The following RBMS3 variants were observed in gnomAD, a reference collection of about 807,000 sequenced individuals.
RBMS3 encodes RNA-binding motif, single-stranded-interacting protein 3.
Under a neutral mutation model 66.8 loss-of-function variants are expected in RBMS3, and 27 were observed. The observed-to-expected ratio is 0.40, with a 90% CI of 0.30 to 0.56. The LOEUF is 0.56. Ranked by LOEUF, RBMS3 falls within the 20% of genes least tolerant of loss-of-function variation. The pLI, the probability that RBMS3 is intolerant of heterozygous loss-of-function variation, is 0.40. For missense variants in RBMS3, 513 were observed against 549.5 expected, an observed-to-expected ratio of 0.93 and a Z score of 0.66; for synonymous variants, 188 against 183.0, an observed-to-expected ratio of 1.03 and a Z score of -0.22.
At chr3:29,830,719 T>C (rs570504918) in intron 6 of RBMS3, among the ~76,000 whole-genome samples, 2 of 152,302 alleles carry the variant, frequency 1.3e-5, no homozygotes, top group South Asian at 4.1e-4. Flanking sequence ...TTCTCTTTTA[T>C]TTTATTCTGG....
At chr3:29,690,812 A>G (rs963344398) in intron 4 of RBMS3, among the ~76,000 whole-genome samples, 1 of 152,116 alleles carries the variant, frequency 6.6e-6, no homozygotes, top group African/African-American at 2.4e-5. Flanking sequence ...TTTTGCTACA[A>G]TTTGTTTATT....
At chr3:29,463,195 A>G (rs1047765749) in intron 2 of RBMS3, among the ~76,000 whole-genome samples, 2 of 152,202 alleles carry the variant, frequency 1.3e-5, no homozygotes, top group African/African-American at 2.4e-5. Flanking sequence ...ATTTGTTAAC[A>G]TTTAACCTAT....
chr3:29,559,715 C>G (rs773701333), intron 3 of RBMS3, among the ~76,000 whole-genome samples: 2 of 151,904 alleles, frequency 1.3e-5, no homozygotes, highest in Non-Finnish European at 2.9e-5. Flanking sequence ...TGGAGTTAGC[C>G]ACCAATTTGC....
In RBMS3 at chr3:29,598,120, C is replaced by A. The variant is rs143707722; in HGVS notation, c.399+10915C>A. On this transcript the variant is annotated intron_variant, in intron 4 of 14. Coordinates refer to ENST00000383767, the MANE Select transcript of RBMS3 (RefSeq NM_001003793.3). ...CACTTACCAGTGTATTGTTAGATATCTGGTTTCGGAAATATCCATAGTTAG... is the reference window on the plus strand; with the variant it reads ...CACTTACCAGTGTATTGTTAGATATATGGTTTCGGAAATATCCATAGTTAG... Among the ~76,000 whole-genome samples, 286 of 152,176 alleles carry A rather than the reference C, an allele frequency of 1.9e-3. 1 individual carries two copies. Among genetic ancestry groups the A allele is most frequent in the African/African-American group, 6.1e-3 (254 of 41,540 alleles).
chr3:29,827,330 A>G (rs972942263), intron 6 of RBMS3, among the ~76,000 whole-genome samples: 3 of 152,318 alleles, frequency 2.0e-5, no homozygotes, highest in Middle Eastern at 3.4e-3. Context: ...GAAATTTTTG[A>G]ATGCAATGGT....
chr3:29,311,266 G>A (rs376024770), intron 1 of RBMS3, among the ~76,000 whole-genome samples: 3 of 151,868 alleles, frequency 2.0e-5, no homozygotes, highest in East Asian at 3.9e-4. Flanking sequence ...TCATTCTCCA[G>A]TTCTCTAATA....
intron 1 of RBMS3, among the ~76,000 whole-genome samples, chr3:29,326,314 C>G (rs1161521859): frequency 6.6e-6 from 1 of 152,136 alleles, no homozygotes; most frequent in Admixed American, 6.6e-5. Context: ...CTGTTCTTTC[C>G]CCAAATTATG....
At chr3:29,962,489 AC>A (rs1325082252) in intron 12 of RBMS3, among the ~76,000 whole-genome samples, 1 of 150,672 alleles carries the variant, frequency 6.6e-6, no homozygotes, top group African/African-American at 2.5e-5. Flanking sequence ...TAGTGTTTCT[AC>A]ATGGTTACTT....
intron 4 of RBMS3, 115 bp downstream of exon 4, chr3:29,587,320 T>G: frequency 5.5e-6 from 3 of 540,770 alleles, no homozygotes; most frequent in Non-Finnish European, 2.9e-6. Context: ...GAAGGAGAGA[T>G]TAAATATTTC....
chr3:29,671,713 C>G (rs1036458914), intron 4 of RBMS3, among the ~76,000 whole-genome samples: 1 of 151,900 alleles, frequency 6.6e-6, no homozygotes, highest in Non-Finnish European at 1.5e-5. Flanking sequence ...TGAAATGAAG[C>G]GAGAAGAGAA....
chr3:29,290,888 T>C (rs2032755280), intron 1 of RBMS3, among the ~76,000 whole-genome samples: 1 of 151,978 alleles, frequency 6.6e-6, no homozygotes, highest in South Asian at 2.1e-4. Context: ...CATATTAAAG[T>C]GCACTAACAT....
intron 4 of RBMS3, chr3:29,697,067 G>T: frequency 1.0e-6 from 1 of 985,244 alleles, no homozygotes; most frequent in Admixed American, 6.2e-5. Flanking sequence ...AGAAATGCAG[G>T]GCCTGTGTGC....
intron 12 of RBMS3, among the ~76,000 whole-genome samples, chr3:29,982,293 G>A (rs1698048304): frequency 6.6e-6 from 1 of 152,030 alleles, no homozygotes; most frequent in Non-Finnish European, 1.5e-5. Context: ...TTTTTATGGT[G>A]TCTATATGAT....
chr3:29,318,330 G>T (rs1037228717), intron 1 of RBMS3, among the ~76,000 whole-genome samples: 4 of 151,858 alleles, frequency 2.6e-5, no homozygotes, highest in African/African-American at 7.2e-5. Flanking sequence ...GGTAACTTGG[G>T]TGTCAGTTGC....
chr3:29,776,870 A>T (rs567006091), intron 6 of RBMS3, among the ~76,000 whole-genome samples: 2 of 152,068 alleles, frequency 1.3e-5, no homozygotes, highest in African/African-American at 4.8e-5. Context: ...TAAATTATAC[A>T]TGTCCATGTT....
chr3:29,299,827 G>A (rs2033548811), intron 1 of RBMS3, among the ~76,000 whole-genome samples: 1 of 151,828 alleles, frequency 6.6e-6, no homozygotes, highest in South Asian at 2.1e-4. Context: ...CACAGATAAT[G>A]AGGGACAACT....
At chr3:29,594,601 A>AT (rs1354511097) in intron 4 of RBMS3, among the ~76,000 whole-genome samples, 16 of 152,284 alleles carry the variant, frequency 1.1e-4, no homozygotes, top group African/African-American at 3.6e-4. Flanking sequence ...TATAAGTATT[A>AT]TTTTTCTCAT....
At chr3:29,482,701 C>CTTTTTTTTTTTTTT (rs755520785) in intron 2 of RBMS3, among the ~76,000 whole-genome samples, 27 of 77,512 alleles carry the variant, frequency 3.5e-4, no homozygotes, top group African/African-American at 6.2e-4. Flanking sequence ...TTCTTTCTTT[C>CTTTTTTTTTTTTTT]TTTTTTTTTT....
At chr3:29,705,383 G>C (rs1459403677) in intron 4 of RBMS3, among the ~76,000 whole-genome samples, 1 of 152,176 alleles carries the variant, frequency 6.6e-6, no homozygotes, top group Non-Finnish European at 1.5e-5. Flanking sequence ...TTTTGCTTGT[G>C]TAATATAAAG....
Sources: gnomAD v4.1 joint callset for allele counts (sites outside exome capture counted in the v4.1 genomes callset) on GRCh38, gnomAD v4.1.1 for gene constraint, MANE v1.5 for transcripts, NCBI Gene and HGNC (gene_info 2026-07-23, HGNC 2026-07-21) for gene names.